SLX4IP: variants seen among roughly 807,000 people sequenced by gnomAD.
SLX4IP encodes the protein SLX4 interacting protein, also known as protein SLX4IP.
A neutral mutation model predicts 32.9 loss-of-function variants in SLX4IP; 34 were observed. That is an observed-to-expected ratio of 1.03 (90% CI 0.79 to 1.38). The LOEUF is 1.38. SLX4IP is among the 40% of genes most tolerant of loss of function. The pLI, the probability that SLX4IP is intolerant of heterozygous loss-of-function variation, is 0.00. For missense variants in SLX4IP, 444 were observed against 479.0 expected (o/e 0.93, Z 0.68); for synonymous variants, 172 against 171.7 (o/e 1.00, Z -0.01).
intron 1 of SLX4IP, among the ~76,000 whole-genome samples, chr20:10,439,114 A>G (rs2065140133): frequency 6.6e-6 from 1 of 152,208 alleles, no homozygotes; most frequent in Non-Finnish European, 1.5e-5. Flanking sequence ...ATTTGTTTAC[A>G]TATTCACCAA....
intron 4 of SLX4IP, among the ~76,000 whole-genome samples, chr20:10,586,183 C>G (rs1412325187): frequency 6.6e-6 from 1 of 152,158 alleles, no homozygotes; most frequent in Non-Finnish European, 1.5e-5. Flanking sequence ...CCTTCTCCCA[C>G]TTGACTTTGT....
At chr20:10,596,585 G>C (rs776330829) in intron 4 of SLX4IP, among the ~76,000 whole-genome samples, 1 of 152,036 alleles carries the variant, frequency 6.6e-6, no homozygotes, top group Admixed American at 6.6e-5. Flanking sequence ...TTGAAATTTC[G>C]AACATGCCTC....
intron 2 of SLX4IP, among the ~76,000 whole-genome samples, chr20:10,497,411 G>C (rs1249041849): frequency 6.6e-6 from 1 of 152,058 alleles, no homozygotes; most frequent in African/African-American, 2.4e-5. Context: ...ATAGTGTCTA[G>C]ATGTGGATTT....
At chr20:10,558,143 C>A (rs756047819) in intron 3 of SLX4IP, among the ~76,000 whole-genome samples, 2 of 152,036 alleles carry the variant, frequency 1.3e-5, no homozygotes, top group Non-Finnish European at 2.9e-5. Context: ...AGTTCAAGAC[C>A]AGCCTGGGCA....
chr20:10,511,564 A>G (rs895315089), intron 2 of SLX4IP, among the ~76,000 whole-genome samples: 6 of 152,274 alleles, frequency 3.9e-5, no homozygotes, highest in African/African-American at 1.4e-4. Context: ...AGTAACAGCA[A>G]GCACAAATGA....
intron 6 of SLX4IP, chr20:10,614,054 G>A (rs2066998716): frequency 2.6e-6 from 4 of 1,522,930 alleles, no homozygotes; most frequent in Admixed American, 1.7e-5. Context: ...AGCAGCGGGT[G>A]GCGTCCTCCT....
intron 4 of SLX4IP, among the ~76,000 whole-genome samples, chr20:10,582,151 A>G (rs1404277012): frequency 6.6e-6 from 1 of 152,156 alleles, no homozygotes; most frequent in Non-Finnish European, 1.5e-5. Flanking sequence ...GTTTTCATGG[A>G]ATGACAGGGC....
chr20:10,548,405 A>AT (rs1319435091), intron 2 of SLX4IP, among the ~76,000 whole-genome samples: 6 of 146,890 alleles, frequency 4.1e-5, no homozygotes, highest in African/African-American at 1.5e-4. Context: ...CGCCCGGCTA[A>AT]TTTTTTTGTA....
intron 2 of SLX4IP, among the ~76,000 whole-genome samples, chr20:10,508,107 G>A (rs1200541980): frequency 6.6e-6 from 1 of 152,172 alleles, no homozygotes; most frequent in Non-Finnish European, 1.5e-5. Flanking sequence ...TGGGGGAAGG[G>A]GAGGTAGAGA....
Position 10,511,360 on chromosome 20 carries a change from A to G in SLX4IP, c.28-44871A>G, listed in dbSNP as rs371855812. 5.9e-5 allele frequency among the ~76,000 whole-genome samples: 9 copies of G among 152,256 alleles called. No individual in the cohort carries two copies. The East Asian group carries it at 9.7e-4, about 16-fold the overall frequency. ...CAATCCCTTCTGAATCCTCCATGCC[A>G]TGGGGCTCACACTGCCCTAGGGATA... On this transcript the variant is annotated intron_variant, in intron 2 of 7. Coordinates refer to ENST00000334534, the MANE Select transcript of SLX4IP (RefSeq NM_001009608.3).
Position 10,612,207 on chromosome 20 carries a change from ACT to A in SLX4IP, c.406-9103_406-9102del, listed in dbSNP as rs746582389. On this transcript the variant is annotated intron_variant, in intron 6 of 7. Transcript: ENST00000334534. ...CATCACATTTGAAAATGTGTTCAAC[ACT>A]CTCCAGTTTCCAAAGTTGCTTCCTA... Among the ~76,000 whole-genome samples, 22 of 152,096 alleles carry A rather than the reference ACT, an allele frequency of 1.4e-4. No individual in the cohort carries two copies. In the East Asian group the frequency reaches 4.1e-3, roughly 28 times the overall value.
At chr20:10,551,493 G>T (rs2066217823) in intron 2 of SLX4IP, among the ~76,000 whole-genome samples, 1 of 151,984 alleles carries the variant, frequency 6.6e-6, no homozygotes, top group African/African-American at 2.4e-5. Context: ...TTTTTCATTT[G>T]TCTTCCTTTC....
At chr20:10,481,428 A>G (rs1050530794) in intron 2 of SLX4IP, among the ~76,000 whole-genome samples, 1 of 152,074 alleles carries the variant, frequency 6.6e-6, no homozygotes, top group African/African-American at 2.4e-5. Context: ...TTCTCCTATT[A>G]GATTATTTTT....
chr20:10,587,837 C>G (rs1434583442), intron 4 of SLX4IP, among the ~76,000 whole-genome samples: 2 of 152,034 alleles, frequency 1.3e-5, no homozygotes, highest in African/African-American at 4.8e-5. Context: ...ATACCATACA[C>G]AAAAATTAAA....
At chr20:10,515,154 G>T (rs1205614556) in intron 2 of SLX4IP, among the ~76,000 whole-genome samples, 1 of 130,076 alleles carries the variant, frequency 7.7e-6, no homozygotes, top group Non-Finnish European at 1.5e-5. Context: ...GTGCAATCTC[G>T]ACTCACTGCA....
chr20:10,556,281 A>G lies in SLX4IP; in HGVS notation c.78A>G (p.Ser26=). ...LVDLHILPQG[S]NKDTSWFSEQ... ...ATCTTCATATCTTGCCACAAGGTTC[A>G]AACAAAGATACAAGCTGGTTTTCTG... is the stretch of plus-strand genomic sequence containing the variant. Residue 26 remains serine (S), a synonymous_variant, in exon 3 of 8, where the codon TCA becomes TCG. Coordinates refer to ENST00000334534, the MANE Select transcript of SLX4IP (RefSeq NM_001009608.3). 1 of 1,613,510 alleles carries G rather than the reference A, an allele frequency of 6.2e-7. No individual in the cohort carries two copies. The highest frequency in any genetic ancestry group is 8.5e-7 in the Non-Finnish European group (1 of 1,179,838).
At chr20:10,613,985 G>C (rs562052778) in intron 6 of SLX4IP, 10 of 1,210,056 alleles carry the variant, frequency 8.3e-6, no homozygotes, top group Non-Finnish European at 1.2e-5. Context: ...CCTGCTCATC[G>C]TACACTGCTC....
intron 2 of SLX4IP, among the ~76,000 whole-genome samples, chr20:10,516,458 T>G (rs960287993): frequency 6.6e-6 from 1 of 152,238 alleles, no homozygotes; most frequent in African/African-American, 2.4e-5. Flanking sequence ...CTACTGAGGC[T>G]TATAAACTGA....
intron 2 of SLX4IP, among the ~76,000 whole-genome samples, chr20:10,460,452 G>T (rs1194484455): frequency 6.6e-6 from 1 of 152,196 alleles, no homozygotes; most frequent in Non-Finnish European, 1.5e-5. Flanking sequence ...GAAAATGAAA[G>T]ATGGCATACT....
Sources: gnomAD v4.1 joint callset for allele counts (sites outside exome capture counted in the v4.1 genomes callset) on GRCh38, gnomAD v4.1.1 for gene constraint, MANE v1.5 for transcripts, NCBI Gene and HGNC (gene_info 2026-07-23, HGNC 2026-07-21) for gene names.